Variants in ARMH3 observed in about 807,000 individuals in gnomAD.
The protein encoded by ARMH3 is armadillo like helical domain containing 3, also known as armadillo-like helical domain-containing protein 3.
ARMH3 carries 60 observed loss-of-function variants against 99.1 expected under a neutral mutation model. The ratio of observed to expected loss-of-function variants is 0.61; its 90% CI spans 0.49 to 0.75. The LOEUF (loss-of-function observed/expected upper bound fraction) is 0.75, where lower values mean the gene tolerates loss of function less well. Among genes scored for constraint, ARMH3 ranks in the 30% least tolerant of loss-of-function variants. The pLI is 0.00. For synonymous variants in ARMH3, 285 were observed against 292.8 expected, an observed-to-expected ratio of 0.97 and a Z score of 0.27; for missense variants, 679 against 843.1, an observed-to-expected ratio of 0.81 and a Z score of 2.41.
At chr10:101,881,473 G>A (rs2067416681) in intron 24 of ARMH3, among the ~76,000 whole-genome samples, 1 of 152,062 alleles carries the variant, frequency 6.6e-6, no homozygotes, top group East Asian at 1.9e-4. Flanking sequence ...GAGATCTGTG[G>A]CACAACAATG....
chr10:101,983,585 G>GA (rs1434021736), intron 19 of ARMH3, among the ~76,000 whole-genome samples: 1 of 152,144 alleles, frequency 6.6e-6, no homozygotes, highest in Non-Finnish European at 1.5e-5. Context: ...CCTACATAAT[G>GA]AAATCTCCAT....
chr10:102,010,893 C>T (rs761008451), intron 11 of ARMH3, among the ~76,000 whole-genome samples: 2 of 152,168 alleles, frequency 1.3e-5, no homozygotes, highest in South Asian at 2.1e-4. Flanking sequence ...TTCCTGAGAA[C>T]AGGCTGAGAA....
intron 14 of ARMH3, among the ~76,000 whole-genome samples, chr10:102,005,281 G>T (rs939037140): frequency 1.3e-5 from 2 of 151,620 alleles, no homozygotes; most frequent in African/African-American, 4.9e-5. Context: ...TACTCAGAAG[G>T]CTGAGGCATG....
chr10:101,901,616 A>G (rs764292287), intron 23 of ARMH3, among the ~76,000 whole-genome samples: 2 of 152,130 alleles, frequency 1.3e-5, no homozygotes, highest in Admixed American at 6.5e-5. Context: ...CTGCTCCAGC[A>G]CTGACTTATG....
rs2066464912 is a variant in ARMH3, at chr10:101,846,215, G to C, written c.*1313C>G. 1 of 152,612 alleles carries C rather than the reference G, an allele frequency of 6.6e-6. No homozygotes were observed. The allele number at this position is 152,612 out of a possible 1,614,324, so 9.5% of individuals were successfully genotyped here. ...ATGGAGGGCACCCTACCCCCAGAAA[G>C]TTCTCTCCCTCCCAGGCACTAGACC... On this transcript the variant is annotated 3_prime_UTR_variant, in exon 26 of 26. Coordinates refer to ENST00000370033, the MANE Select transcript of ARMH3 (RefSeq NM_024541.3).
At chr10:101,990,413 C>T (rs770076749) in intron 19 of ARMH3, 138 bp downstream of exon 19, 52 of 568,708 alleles carry the variant, frequency 9.1e-5, no homozygotes, top group Non-Finnish European at 1.1e-4. Flanking sequence ...CCTTGTGATC[C>T]GCCCGCCTCG....
intron 24 of ARMH3, among the ~76,000 whole-genome samples, chr10:101,882,022 C>T (rs1338495714): frequency 6.6e-6 from 1 of 152,154 alleles, no homozygotes; most frequent in East Asian, 1.9e-4. Flanking sequence ...TGCCTTAAAC[C>T]ATCTCTTGCA....
At chr10:102,013,359 A>G (rs1382289000) in intron 9 of ARMH3, among the ~76,000 whole-genome samples, 1 of 152,240 alleles carries the variant, frequency 6.6e-6, no homozygotes, top group African/African-American at 2.4e-5. Context: ...ACTTTCCCCC[A>G]GAACCTGTGA....
intron 23 of ARMH3, among the ~76,000 whole-genome samples, chr10:101,921,982 G>A (rs1178153309): frequency 6.6e-6 from 1 of 152,132 alleles, no homozygotes; most frequent in Non-Finnish European, 1.5e-5. Context: ...CTAGAAGAGA[G>A]GACTTGAACT....
Position 102,012,873 on chromosome 10 carries a change from T to C in ARMH3, c.730A>G (p.Met244Val). 6.2e-7 allele frequency: 1 copy of C among 1,608,504 alleles called. No individual in the cohort carries two copies. Residue 244 changes from methionine (M) to valine (V), a missense_variant, in exon 10 of 26, where the codon ATG becomes GTG. Physicochemically the swap from Met to Val is conservative, Grantham distance 21. This residue lies in a region of ARMH3 where 280 missense variants were observed against 354.6 expected (regional missense o/e 0.79). Coordinates refer to ENST00000370033, the MANE Select transcript of ARMH3 (RefSeq NM_024541.3). ...AAAGCCTGAGCAATTACAAGTCCCA[T>C]TCCCTAGAAGGGAAAAGATAGCACA... ...IVDDEATLNG[M>V]GLVIAQALSE...
At chr10:101,871,923 C>G (rs953575071) in intron 24 of ARMH3, among the ~76,000 whole-genome samples, 13 of 152,056 alleles carry the variant, frequency 8.5e-5, no homozygotes, top group African/African-American at 3.1e-4. Flanking sequence ...ATTGCTTGAA[C>G]CCGGAGGCAG....
chr10:101,976,464 T>A (rs1392489729), intron 19 of ARMH3, among the ~76,000 whole-genome samples: 1 of 150,894 alleles, frequency 6.6e-6, no homozygotes, highest in Non-Finnish European at 1.5e-5. Flanking sequence ...ATTCCCCTTA[T>A]CAATGGGAAA....
At chr10:101,990,684 G>A in intron 18 of ARMH3, 73 bp from the exon 19 acceptor site, 7 of 1,219,380 alleles carry the variant, frequency 5.7e-6, no homozygotes, top group Non-Finnish European at 8.5e-6. Flanking sequence ...TGGAAAAAAA[G>A]CTTCTGAGTA....
At chr10:102,004,803 C>T (rs758851893) in intron 14 of ARMH3, among the ~76,000 whole-genome samples, 3 of 152,184 alleles carry the variant, frequency 2.0e-5, no homozygotes, top group Non-Finnish European at 2.9e-5. Flanking sequence ...GGCATGGTGG[C>T]TCATGGGTGT....
intron 23 of ARMH3, among the ~76,000 whole-genome samples, chr10:101,906,102 A>C (rs2068095800): frequency 6.6e-6 from 1 of 152,224 alleles, no homozygotes; most frequent in African/African-American, 2.4e-5. Context: ...GTCCATCTTC[A>C]GTGTTGTATC....
chr10:101,991,646 G>T (rs749271579), intron 18 of ARMH3, among the ~76,000 whole-genome samples: 2 of 152,162 alleles, frequency 1.3e-5, no homozygotes, highest in Non-Finnish European at 2.9e-5. Flanking sequence ...CTCCCAAAGT[G>T]CTGTGATTAC....
intron 13 of ARMH3, among the ~76,000 whole-genome samples, chr10:102,006,858 T>C (rs1040533958): frequency 4.6e-5 from 7 of 151,832 alleles, no homozygotes; most frequent in Middle Eastern, 3.2e-3. Context: ...ACTGTGCCCC[T>C]AGTCTCATAA....
At chr10:101,849,951 C>T (rs2066550796) in intron 24 of ARMH3, 59 bp from the exon 25 acceptor site, 1 of 1,470,956 alleles carries the variant, frequency 6.8e-7, no homozygotes, top group Non-Finnish European at 9.5e-7. Flanking sequence ...AACCCTGAGC[C>T]CCATTCTGCT....
intron 2 of ARMH3, among the ~76,000 whole-genome samples, chr10:102,039,494 C>A (rs1407152673): frequency 6.6e-6 from 1 of 152,106 alleles, no homozygotes; most frequent in Non-Finnish European, 1.5e-5. Context: ...GTTCTGAAGA[C>A]CCAAAGAAAT....
Sources: allele counts gnomAD v4.1 joint callset (sites outside exome capture counted in the v4.1 genomes callset), GRCh38; gene constraint gnomAD v4.1.1; regional missense constraint gnomAD v4.1.1; transcripts MANE v1.5; gene names NCBI Gene and HGNC (gene_info 2026-07-23, HGNC 2026-07-21).